PLD1: variants seen among roughly 807,000 people sequenced by gnomAD.
PLD1 encodes the protein choline phosphatase 1.
A neutral mutation model predicts 137.1 loss-of-function variants in PLD1; 112 were observed. That is an observed-to-expected ratio of 0.82 (90% CI 0.70 to 0.96). The LOEUF is 0.96. Among genes scored for constraint, PLD1 ranks in the 40% least tolerant of loss-of-function variants. PLD1 has a pLI of 0.00. For synonymous variants in PLD1, 431 were observed against 454.7 expected, an observed-to-expected ratio of 0.95 and a Z score of 0.66; for missense variants, 1,321 against 1,342.0, an observed-to-expected ratio of 0.98 and a Z score of 0.24.
chr3:171,616,784 G>A (rs1052825138), intron 24 of PLD1, among the ~76,000 whole-genome samples: 5 of 152,298 alleles, frequency 3.3e-5, no homozygotes, highest in South Asian at 2.1e-4. Context: ...TGGGACTCAC[G>A]CTGAATTTCT....
At chr3:171,688,570 G>T in intron 14 of PLD1, 106 bp downstream of exon 14, 2 of 902,114 alleles carry the variant, frequency 2.2e-6, no homozygotes, top group Non-Finnish European at 3.6e-6. Context: ...TCCCCTCCAA[G>T]GAGACACCAT....
intron 1 of PLD1, among the ~76,000 whole-genome samples, chr3:171,805,550 C>T (rs938271959): frequency 2.6e-5 from 4 of 152,306 alleles, no homozygotes; most frequent in African/African-American, 9.6e-5. Flanking sequence ...GAGTTAAGGC[C>T]TGGCCCAGCA....
intron 11 of PLD1, among the ~76,000 whole-genome samples, chr3:171,705,118 G>A (rs1716576988): frequency 6.6e-6 from 1 of 152,204 alleles, no homozygotes; most frequent in African/African-American, 2.4e-5. Context: ...TTGGCTTGGA[G>A]GTTGGGGACC....
At chr3:171,739,210 G>A (rs1038870998) in intron 1 of PLD1, among the ~76,000 whole-genome samples, 2 of 152,180 alleles carry the variant, frequency 1.3e-5, no homozygotes, top group African/African-American at 4.8e-5. Context: ...ACTTAGCTGG[G>A]TCTCTCCTGC....
chr3:171,642,770 C>T, intron 23 of PLD1, 70 bp downstream of exon 23: 1 of 834,922 alleles, frequency 1.2e-6, no homozygotes. Flanking sequence ...ACTGTGAAAA[C>T]ATTAATGATT....
intron 1 of PLD1, among the ~76,000 whole-genome samples, chr3:171,783,621 G>GGTTT (rs1023804196): frequency 4.6e-5 from 7 of 151,960 alleles, no homozygotes; most frequent in East Asian, 1.9e-4. Context: ...ATTGAGATAG[G>GGTTT]GTTTGTTTGT....
rs184516396 is a variant in PLD1 at position 171,729,125 on chromosome 3, T to C, written c.607-3049A>G. 1.1e-3 allele frequency among the ~76,000 whole-genome samples: 169 copies of C among 152,340 alleles called. 1 individual carries two copies. Among genetic ancestry groups the C allele is most frequent in the Non-Finnish European group, 2.2e-3 (148 of 68,026 alleles). ...CATTTGGGCAAGTGATTCTCAGGAA[T>C]AAGAATTTAAAGATCAATTTAGCCT... On this transcript the variant is annotated intron_variant, in intron 6 of 26. Transcript: ENST00000351298.
At chr3:171,721,396 T>A (rs1183684474) in intron 8 of PLD1, 1 of 152,144 alleles carries the variant, frequency 6.6e-6, no homozygotes, top group Non-Finnish European at 1.5e-5. Flanking sequence ...AGCTAAGGAG[T>A]TCTGGGAGAC....
intron 20 of PLD1, among the ~76,000 whole-genome samples, chr3:171,660,438 TC>T: frequency 6.6e-6 from 1 of 152,320 alleles, no homozygotes; most frequent in East Asian, 1.9e-4. Flanking sequence ...ACATGTCATG[TC>T]CTTTACTTCT....
chr3:171,764,211 G>A (rs1721650626), intron 1 of PLD1, among the ~76,000 whole-genome samples: 1 of 152,156 alleles, frequency 6.6e-6, no homozygotes. Context: ...CTGGGCTCAA[G>A]TGATCCTCTT....
chr3:171,807,164 C>T (rs1013595138), intron 1 of PLD1, among the ~76,000 whole-genome samples: 1 of 152,018 alleles, frequency 6.6e-6, no homozygotes, highest in African/African-American at 2.4e-5. Context: ...ACAAAACTGG[C>T]CAAGGATGGT....
intron 23 of PLD1, among the ~76,000 whole-genome samples, chr3:171,629,464 T>G (rs1017563707): frequency 6.7e-6 from 1 of 149,618 alleles, no homozygotes; most frequent in African/African-American, 2.5e-5. Flanking sequence ...TTCAATGCCA[T>G]CCCCATCAAG....
chr3:171,675,262 T>C (rs1013300307), intron 18 of PLD1, among the ~76,000 whole-genome samples: 10 of 152,186 alleles, frequency 6.6e-5, no homozygotes, highest in African/African-American at 2.4e-4. Flanking sequence ...GTTCTAGATA[T>C]CTTGTCACAG....
chr3:171,707,403 A>G (rs1716776954), intron 11 of PLD1, among the ~76,000 whole-genome samples: 1 of 152,228 alleles, frequency 6.6e-6, no homozygotes, highest in Admixed American at 6.5e-5. Context: ...CCAAACTTTC[A>G]GAAATATTTT....
chr3:171,633,900 T>G (rs2108341433), intron 23 of PLD1, among the ~76,000 whole-genome samples: 1 of 152,330 alleles, frequency 6.6e-6, no homozygotes, highest in Non-Finnish European at 1.5e-5. Context: ...ATCAGATAAT[T>G]ATATACTAAT....
intron 16 of PLD1, 122 bp downstream of exon 16, chr3:171,686,563 T>A (rs1022196563): frequency 4.5e-6 from 3 of 659,704 alleles, no homozygotes; most frequent in African/African-American, 3.7e-5. Flanking sequence ...CTCAATAATA[T>A]ACGTAGCATA....
At chr3:171,670,173 AT>A (rs2108460689) in intron 19 of PLD1, among the ~76,000 whole-genome samples, 1 of 26,436 alleles carries the variant, frequency 3.8e-5, no homozygotes, top group East Asian at 1.1e-3. Flanking sequence ...AGGATGGTTA[AT>A]GGGTACAAAC....
intron 1 of PLD1, among the ~76,000 whole-genome samples, chr3:171,760,142 A>T (rs1331796183): frequency 6.9e-6 from 1 of 144,372 alleles, no homozygotes; most frequent in African/African-American, 2.6e-5. Context: ...TTTATTTTTT[A>T]AAATTACATT....
intron 12 of PLD1, 86 bp from the exon 13 acceptor site, chr3:171,692,528 C>T: frequency 1.4e-6 from 1 of 730,306 alleles, no homozygotes; most frequent in Non-Finnish European, 2.4e-6. Flanking sequence ...ACTGTACTTT[C>T]TTTCTTTTTT....
Sources: allele counts gnomAD v4.1 joint callset (sites outside exome capture counted in the v4.1 genomes callset), GRCh38; gene constraint gnomAD v4.1.1; transcripts MANE v1.5; gene names NCBI Gene and HGNC (gene_info 2026-07-23, HGNC 2026-07-21).